Variants in CSMD1 observed in about 807,000 individuals in gnomAD.
The protein encoded by CSMD1 is CUB and Sushi multiple domains 1.
In CSMD1, 213 loss-of-function variants were observed where a neutral mutation model predicts 417.5. The ratio of observed to expected loss-of-function variants is 0.51; its 90% CI spans 0.46 to 0.57. The LOEUF is 0.57. Among genes scored for constraint, CSMD1 ranks in the 20% least tolerant of loss-of-function variants. CSMD1 has a pLI of 0.00. For missense variants in CSMD1, 6,923 were observed against 4,529.7 expected, an observed-to-expected ratio of 1.53 and a Z score of -15.17; for synonymous variants, 2,862 against 1,736.8, an observed-to-expected ratio of 1.65 and a Z score of -16.11.
At chr8:4,388,686 C>T (rs530497233) in intron 3 of CSMD1, among the ~76,000 whole-genome samples, 1 of 152,100 alleles carries the variant, frequency 6.6e-6, no homozygotes, top group Admixed American at 6.5e-5. Flanking sequence ...ACTTGAACTC[C>T]AATAGCTCAT....
chr8:4,131,295 C>G (rs927875552), intron 3 of CSMD1, among the ~76,000 whole-genome samples: 1 of 152,126 alleles, frequency 6.6e-6, no homozygotes, highest in Admixed American at 6.6e-5. Flanking sequence ...TGAATCTACA[C>G]AGAGCTTCCT....
At chr8:4,284,378 A>T (rs796312924) in intron 3 of CSMD1, among the ~76,000 whole-genome samples, 34 of 75,896 alleles carry the variant, frequency 4.5e-4, no homozygotes, top group African/African-American at 1.5e-3. Flanking sequence ...CCCCCCACCC[A>T]CCCTCCCCAA....
intron 11 of CSMD1, among the ~76,000 whole-genome samples, chr8:3,487,670 T>A (rs947514176): frequency 1.3e-5 from 2 of 152,174 alleles, no homozygotes; most frequent in Admixed American, 6.5e-5. Context: ...AGATAGAATT[T>A]TCAAAGGAGG....
At chr8:4,768,599 G>C (rs1296827214) in intron 1 of CSMD1, among the ~76,000 whole-genome samples, 1 of 152,114 alleles carries the variant, frequency 6.6e-6, no homozygotes, top group Non-Finnish European at 1.5e-5. Flanking sequence ...TTTCTGATTT[G>C]TTCTGTTTAC....
At chr8:3,302,931 A>C (rs1481280808) in intron 25 of CSMD1, among the ~76,000 whole-genome samples, 2 of 152,152 alleles carry the variant, frequency 1.3e-5, no homozygotes, top group Non-Finnish European at 2.9e-5. Flanking sequence ...AGGCTCTCCT[A>C]CATGTCTGGT....
At chr8:4,608,850 A>G (rs9314535) in intron 2 of CSMD1, among the ~76,000 whole-genome samples, 10 of 152,312 alleles carry the variant, frequency 6.6e-5, no homozygotes, top group African/African-American at 1.7e-4. Context: ...ATTGCTTTCT[A>G]TAGAACAGGG....
At chr8:3,275,126 A>G (rs1802180034) in intron 26 of CSMD1, among the ~76,000 whole-genome samples, 4 of 152,114 alleles carry the variant, frequency 2.6e-5, no homozygotes, top group Admixed American at 6.6e-5. Flanking sequence ...AAGGCCTGGT[A>G]GTGACAAAAT....
chr8:4,049,777 G>C (rs1421539829), intron 3 of CSMD1, among the ~76,000 whole-genome samples: 1 of 152,072 alleles, frequency 6.6e-6, no homozygotes, highest in African/African-American at 2.4e-5. Context: ...GCCACAGCCC[G>C]TTTTCCTTAC....
At chr8:4,731,341 C>T (rs1275450542) in intron 1 of CSMD1, among the ~76,000 whole-genome samples, 1 of 152,132 alleles carries the variant, frequency 6.6e-6, no homozygotes, top group Non-Finnish European at 1.5e-5. Context: ...CATAAGCTTA[C>T]CGGCCATTCA....
chr8:4,363,343 T>C (rs958877135), intron 3 of CSMD1, among the ~76,000 whole-genome samples: 1 of 152,156 alleles, frequency 6.6e-6, no homozygotes, highest in Admixed American at 6.5e-5. Context: ...ATAACTGTTT[T>C]AGGTACTCGT....
intron 26 of CSMD1, among the ~76,000 whole-genome samples, chr8:3,255,071 G>C (rs1002320904): frequency 3.9e-5 from 6 of 152,154 alleles, no homozygotes; most frequent in Non-Finnish European, 1.5e-5. Context: ...CTTCCTGTTT[G>C]TTAGTTTTCA....
At chr8:3,456,017 C>A (rs567340363) in intron 12 of CSMD1, among the ~76,000 whole-genome samples, 1 of 152,120 alleles carries the variant, frequency 6.6e-6, no homozygotes, top group Non-Finnish European at 1.5e-5. Context: ...ATGGTGGGTG[C>A]CCCTCCCCCA....
chr8:4,064,577 C>G (rs775357366), intron 3 of CSMD1, among the ~76,000 whole-genome samples: 2 of 152,234 alleles, frequency 1.3e-5, no homozygotes, highest in Non-Finnish European at 2.9e-5. Context: ...TACTTCCACC[C>G]TGTCATACAA....
chr8:4,134,058 A>G (rs1318816351), intron 3 of CSMD1, among the ~76,000 whole-genome samples: 1 of 152,220 alleles, frequency 6.6e-6, no homozygotes, highest in Non-Finnish European at 1.5e-5. Context: ...GCTATTAATA[A>G]AGATTAATTG....
At chr8:3,919,514 T>C (rs1809079266) in intron 5 of CSMD1, among the ~76,000 whole-genome samples, 1 of 152,204 alleles carries the variant, frequency 6.6e-6, no homozygotes, top group African/African-American at 2.4e-5. Context: ...TATTACAGTA[T>C]CATACTGCTT....
chr8:4,296,226 C>A (rs898836904), intron 3 of CSMD1, among the ~76,000 whole-genome samples: 1 of 152,090 alleles, frequency 6.6e-6, no homozygotes, highest in Non-Finnish European at 1.5e-5. Flanking sequence ...CAGCTTAAAA[C>A]CTTGATCAGT....
chr8:3,940,506 T>TGC (rs1477930434), intron 5 of CSMD1, among the ~76,000 whole-genome samples: 2 of 70,094 alleles, frequency 2.9e-5, no homozygotes, highest in African/African-American at 1.1e-4. Context: ...TCTGTGTGTG[T>TGC]GTGTGTGTGT....
At chr8:3,388,583 C>A (rs370990585) in intron 17 of CSMD1, among the ~76,000 whole-genome samples, 2 of 152,126 alleles carry the variant, frequency 1.3e-5, no homozygotes, top group African/African-American at 2.4e-5. Flanking sequence ...AGGTGATCTT[C>A]GGGATATTGT....
At chr8:4,974,396 C>G (rs1584940094) in intron 1 of CSMD1, among the ~76,000 whole-genome samples, 1 of 152,064 alleles carries the variant, frequency 6.6e-6, no homozygotes, top group Non-Finnish European at 1.5e-5. Flanking sequence ...CCTTGATTAT[C>G]TCCAATATTT....
Sources: gnomAD v4.1 joint callset for allele counts (sites outside exome capture counted in the v4.1 genomes callset) on GRCh38, gnomAD v4.1.1 for gene constraint, MANE v1.5 for transcripts, NCBI Gene and HGNC (gene_info 2026-07-23, HGNC 2026-07-21) for gene names.